Variants in FOXJ3 observed in about 807,000 individuals in gnomAD.
The protein encoded by FOXJ3 is forkhead box protein J3.
FOXJ3 carries 22 observed loss-of-function variants against 76.1 expected under a neutral mutation model. The observed-to-expected ratio is 0.29, with a 90% confidence interval of 0.21 to 0.41. The LOEUF (loss-of-function observed/expected upper bound fraction) is 0.41. FOXJ3 is among the 10% of genes least tolerant of loss of function. The pLI is 1.00. For synonymous variants in FOXJ3, 269 were observed against 261.2 expected (o/e 1.03, Z -0.29); for missense variants, 613 against 762.1 (o/e 0.80, Z 2.30).
chr1:42,283,957 G>A lies in FOXJ3; in HGVS notation c.45-5285C>T, dbSNP rs537233679. Among the ~76,000 whole-genome samples, 308 of 152,206 alleles carry A rather than the reference G, an allele frequency of 2.0e-3. 3 individuals are homozygous for A. Among genetic ancestry groups the A allele is most frequent in the Non-Finnish European group, 2.4e-3 (162 of 68,022 alleles). On this transcript the variant is annotated intron_variant, in intron 2 of 12. Transcript: ENST00000361346. Reference sequence around the variant, plus strand: ...GGACAGAATTAACTATTGCTCTAGCGTCATCTTGGATCGTAAGATGATCCT... The same window carrying A: ...GGACAGAATTAACTATTGCTCTAGCATCATCTTGGATCGTAAGATGATCCT...
At chr1:42,253,896 G>A (rs1650336603) in intron 4 of FOXJ3, among the ~76,000 whole-genome samples, 1 of 151,568 alleles carries the variant, frequency 6.6e-6, no homozygotes, top group Non-Finnish European at 1.5e-5. Context: ...TCAGGACATA[G>A]GCATGGGCAA....
chr1:42,194,573 A>C (rs1484782701), intron 8 of FOXJ3, among the ~76,000 whole-genome samples: 1 of 152,198 alleles, frequency 6.6e-6, no homozygotes, highest in Non-Finnish European at 1.5e-5. Flanking sequence ...CAAACACTTC[A>C]TATGCCAGAT....
At chr1:42,202,321 C>T (rs1251453671) in intron 6 of FOXJ3, among the ~76,000 whole-genome samples, 1 of 152,052 alleles carries the variant, frequency 6.6e-6, no homozygotes, top group Non-Finnish European at 1.5e-5. Context: ...ATAGATAAAA[C>T]TGCTTTAATG....
intron 2 of FOXJ3, among the ~76,000 whole-genome samples, chr1:42,281,102 GAGACTTTATA>G (rs1652676272): frequency 6.6e-6 from 1 of 152,116 alleles, no homozygotes; most frequent in African/African-American, 2.4e-5. Flanking sequence ...TGCCAGTAAT[GAGACTTTATA>G]AGAATCTCAG....
intron 2 of FOXJ3, among the ~76,000 whole-genome samples, chr1:42,284,881 A>G (rs923297644): frequency 6.6e-6 from 1 of 152,226 alleles, no homozygotes; most frequent in Admixed American, 6.5e-5. Flanking sequence ...TCTGCCACCA[A>G]TAAAAATCAC....
intron 2 of FOXJ3, among the ~76,000 whole-genome samples, chr1:42,279,488 G>A (rs1051171312): frequency 1.6e-4 from 24 of 152,122 alleles, no homozygotes; most frequent in African/African-American, 5.3e-4. Context: ...ACAGGTTTGG[G>A]CAAACGTCCA....
intron 1 of FOXJ3, among the ~76,000 whole-genome samples, chr1:42,330,673 T>C (rs1190353815): frequency 6.6e-6 from 1 of 151,998 alleles, no homozygotes; most frequent in Non-Finnish European, 1.5e-5. Context: ...ACAGTGATTC[T>C]TTGAGTCAGT....
intron 2 of FOXJ3, among the ~76,000 whole-genome samples, chr1:42,302,407 G>C (rs1654206817): frequency 6.6e-6 from 1 of 152,236 alleles, no homozygotes; most frequent in Non-Finnish European, 1.5e-5. Flanking sequence ...TGAGCTCCCT[G>C]CCCAGCCCTG....
intron 1 of FOXJ3, among the ~76,000 whole-genome samples, chr1:42,319,269 T>C (rs1422323607): frequency 6.6e-6 from 1 of 152,142 alleles, no homozygotes; most frequent in Admixed American, 6.5e-5. Context: ...ATAATCCAAA[T>C]GCCCATCAAC....
intron 3 of FOXJ3, among the ~76,000 whole-genome samples, chr1:42,270,737 C>T (rs1174312532): frequency 6.6e-6 from 1 of 152,180 alleles, no homozygotes; most frequent in Non-Finnish European, 1.5e-5. Context: ...AGTTTATCTG[C>T]ACTAGAATTA....
At chr1:42,182,596 C>T (rs533831452) in intron 11 of FOXJ3, among the ~76,000 whole-genome samples, 56 of 152,284 alleles carry the variant, frequency 3.7e-4, no homozygotes, top group Non-Finnish European at 6.3e-4. Flanking sequence ...CTCCTGGGTT[C>T]GGGCGATTCT....
Position 42,206,263 on chromosome 1 carries a change from T to A in FOXJ3, c.529-400A>T, listed in dbSNP as rs568448296. 2.0e-5 allele frequency among the ~76,000 whole-genome samples: 3 copies of A among 152,372 alleles called. No homozygotes were observed. The South Asian group carries it at 6.2e-4, about 32-fold the overall frequency. On this transcript the variant is annotated intron_variant, in intron 5 of 12. Transcript: ENST00000361346. ...TCCTGAGAAGCTGCCTGTGGCCATGTGACTACGGTGTGACCAACAGGATGT... is the reference window on the plus strand; with the variant it reads ...TCCTGAGAAGCTGCCTGTGGCCATGAGACTACGGTGTGACCAACAGGATGT...
intron 1 of FOXJ3, among the ~76,000 whole-genome samples, chr1:42,319,416 T>C (rs374291767): frequency 6.6e-6 from 1 of 152,324 alleles, no homozygotes; most frequent in Non-Finnish European, 1.5e-5. Context: ...ACATATTGTA[T>C]GATTCCATTT....
intron 1 of FOXJ3, among the ~76,000 whole-genome samples, chr1:42,319,663 G>A (rs759940501): frequency 2.0e-5 from 3 of 152,188 alleles, no homozygotes; most frequent in Non-Finnish European, 4.4e-5. Flanking sequence ...TGTATGGTAT[G>A]TGAATTATAT....
Position 42,215,980 on chromosome 1 carries a change from C to A in FOXJ3, c.529-10117G>T, listed in dbSNP as rs116589075. On this transcript the variant is annotated intron_variant, in intron 5 of 12. Transcript: ENST00000361346. ...CAGCCTGGTCAACATAGTGAGACAC[C>A]CATCTCTAAGGGGGAAAAAATTTAT... Among the ~76,000 whole-genome samples, 624 of 151,742 alleles carry A rather than the reference C, an allele frequency of 4.1e-3. 3 individuals are homozygous for A. Among genetic ancestry groups the A allele is most frequent in the African/African-American group, 0.014 (581 of 41,308 alleles).
rs761969002 is a variant in FOXJ3, at chr1:42,179,685, G to T, written c.*25C>A. On this transcript the variant is annotated 3_prime_UTR_variant, in exon 13 of 13. Coordinates refer to ENST00000361346, the MANE Select transcript of FOXJ3 (RefSeq NM_014947.5). ...CACTGCACAGAAAGGTAACGTTAGG[G>T]TCTGGTGTCTTGCAGAAACAAGCCC... 5 of 1,398,312 alleles carry T rather than the reference G, an allele frequency of 3.6e-6. No individual in the cohort carries two copies. The highest frequency in any genetic ancestry group is 5.1e-6 in the Non-Finnish European group (5 of 983,294). The allele number at this position is 1,398,312 out of a possible 1,614,324, so 86.6% of individuals were successfully genotyped here. A position where few individuals can be genotyped will look rare whatever the true frequency, so the allele number is the denominator to read the frequency against.
intron 2 of FOXJ3, among the ~76,000 whole-genome samples, chr1:42,304,641 A>G (rs530356518): frequency 6.6e-6 from 1 of 152,280 alleles, no homozygotes; most frequent in East Asian, 1.9e-4. Context: ...AAGAGCATAC[A>G]ATGGAAAGGA....
chr1:42,221,488 C>T (rs1042181738), intron 5 of FOXJ3, among the ~76,000 whole-genome samples: 5 of 152,124 alleles, frequency 3.3e-5, no homozygotes, highest in Admixed American at 1.3e-4. Flanking sequence ...AAGGGTCTTG[C>T]TCTGTTGCTC....
intron 7 of FOXJ3, among the ~76,000 whole-genome samples, chr1:42,198,533 AATAACAG>A (rs1399909918): frequency 6.6e-6 from 1 of 152,224 alleles, no homozygotes; most frequent in Non-Finnish European, 1.5e-5. Context: ...TTTGAAAAGA[AATAACAG>A]ATAACCTAAG....
Sources: allele counts gnomAD v4.1 joint callset (sites outside exome capture counted in the v4.1 genomes callset), GRCh38; gene constraint gnomAD v4.1.1; transcripts MANE v1.5; gene names NCBI Gene and HGNC (gene_info 2026-07-23, HGNC 2026-07-21).